C4orf51: variants seen among roughly 807,000 people sequenced by gnomAD.
C4orf51 encodes uncharacterized protein C4orf51.
C4orf51 carries 25 observed loss-of-function variants against 25.2 expected under a neutral mutation model. The observed-to-expected ratio is 0.99, with a 90% CI of 0.72 to 1.39. The LOEUF is 1.39. C4orf51 is among the 40% of genes most tolerant of loss of function. The pLI is 0.00. For synonymous variants in C4orf51, 100 were observed against 84.5 expected, an observed-to-expected ratio of 1.18 and a Z score of -1.01; for missense variants, 252 against 239.6, an observed-to-expected ratio of 1.05 and a Z score of -0.34.
intron 1 of C4orf51, among the ~76,000 whole-genome samples, chr4:145,752,401 G>A (rs182553406): frequency 2.6e-4 from 40 of 152,300 alleles, no homozygotes; most frequent in African/African-American, 9.1e-4. Flanking sequence ...TCTCTTCAAG[G>A]CAGCAATTTC....
chr4:145,752,328 G>A (rs1478554623), intron 1 of C4orf51, among the ~76,000 whole-genome samples: 3 of 152,178 alleles, frequency 2.0e-5, no homozygotes, highest in Non-Finnish European at 2.9e-5. Flanking sequence ...TATCGCTGCT[G>A]GTTATGCAGG....
At position 145,689,834 on chromosome 4, in the gene C4orf51, A is replaced by ACC. The variant is rs549608026; in HGVS notation, c.234-6722_234-6721dup. Reference sequence around the variant, plus strand: ...ACCATATGCAGAAGAAGAAAGCTGGACCCCTACCTTTCACCATATAAAAAA... The same window carrying ACC: ...ACCATATGCAGAAGAAGAAAGCTGGACCCCCCTACCTTTCACCATATAAAAAA... On this transcript the variant is annotated intron_variant, in intron 1 of 5. Transcript: ENST00000438731. Among the ~76,000 whole-genome samples the ACC allele has an allele frequency of 3.0e-3, 451 of 152,260 alleles. 1 individual carries two copies. The highest frequency in any genetic ancestry group is 4.9e-3 in the Non-Finnish European group (333 of 67,996).
intron 1 of C4orf51, among the ~76,000 whole-genome samples, chr4:145,685,626 A>G (rs1729106319): frequency 6.6e-6 from 1 of 152,308 alleles, no homozygotes; most frequent in South Asian, 2.1e-4. Context: ...TTTCTATACA[A>G]TGTCTGTAAT....
At chr4:145,722,854 A>G (rs1312609220) in intron 2 of C4orf51, among the ~76,000 whole-genome samples, 2 of 152,140 alleles carry the variant, frequency 1.3e-5, no homozygotes, top group Non-Finnish European at 2.9e-5. Context: ...CACAAACCCT[A>G]TTGTGAACTG....
intron 1 of C4orf51, among the ~76,000 whole-genome samples, chr4:145,694,321 G>C (rs1268045125): frequency 6.8e-6 from 1 of 146,810 alleles, no homozygotes; most frequent in Non-Finnish European, 1.5e-5. Context: ...CATCCCAGAC[G>C]ATGGGCAGCC....
chr4:145,730,463 C>T (rs1049143344), intron 5 of C4orf51, among the ~76,000 whole-genome samples: 1 of 152,114 alleles, frequency 6.6e-6, no homozygotes, highest in Non-Finnish European at 1.5e-5. Context: ...TTTCTCAAAC[C>T]CCAGGGCTTT....
At chr4:145,690,836 C>T (rs1729506500) in intron 1 of C4orf51, among the ~76,000 whole-genome samples, 1 of 152,134 alleles carries the variant, frequency 6.6e-6, no homozygotes, top group East Asian at 1.9e-4. Flanking sequence ...TGTGGTGGCT[C>T]ATGACTGTAA....
In C4orf51 at chr4:145,729,985, C is replaced by T; in HGVS notation, c.501+20C>T. 1 of 1,608,312 alleles carries T rather than the reference C, an allele frequency of 6.2e-7. No individual in the cohort carries two copies. Among genetic ancestry groups the T allele is most frequent in the African/African-American group, 1.3e-5 (1 of 74,908 alleles). On this transcript the variant is annotated intron_variant, in intron 5 of 5. Transcript: ENST00000438731. ...AAGCATGTAAGAATCTTTTTACTTG[C>T]CATGCAACAGTGGATCTGTGGGGTA... is the stretch of plus-strand genomic sequence containing the variant.
At chr4:145,789,413 A>G in the C4orf51 span, among the ~76,000 whole-genome samples, 4 of 152,250 alleles carry the variant, frequency 2.6e-5, no homozygotes, top group Non-Finnish European at 5.9e-5. Flanking sequence ...GAGACAGTAC[A>G]TAATTAAAAC....
chr4:145,742,450 T>G lies in C4orf51; in HGVS notation n.167+9831T>G, dbSNP rs1733148133. Among the ~76,000 whole-genome samples, 3 of 152,178 alleles carry G rather than the reference T, an allele frequency of 2.0e-5. No homozygotes were observed. The South Asian group carries it at 6.2e-4, about 32-fold the overall frequency. On this transcript the variant is annotated intron_variant and non_coding_transcript_variant, in intron 1 of 1. Transcript: ENST00000508981. ...CACTGTCTTCAAATGTCATCTTTGC[T>G]CCAACAAGTCTCATCATGAACTTTC...
chr4:145,770,004 A>T (rs963891192), intron 1 of C4orf51, among the ~76,000 whole-genome samples: 1 of 152,106 alleles, frequency 6.6e-6, no homozygotes, highest in Non-Finnish European at 1.5e-5. Flanking sequence ...AAGAATAAAG[A>T]CTCTAGATCC....
At chr4:145,756,002 T>C (rs1453667757), downstream of C4orf51, among the ~76,000 whole-genome samples, 1 of 152,232 alleles carries the variant, frequency 6.6e-6, no homozygotes, top group South Asian at 2.1e-4. Context: ...CTTCCATCTC[T>C]CACTAAGCAC....
At chr4:145,787,106 C>T in the C4orf51 span, among the ~76,000 whole-genome samples, 1 of 152,208 alleles carries the variant, frequency 6.6e-6, no homozygotes. Flanking sequence ...CCATTACACT[C>T]ACCCAAAGAT....
chr4:145,716,865 G>A (rs563049403), intron 2 of C4orf51, among the ~76,000 whole-genome samples: 4 of 152,316 alleles, frequency 2.6e-5, no homozygotes, highest in Admixed American at 2.6e-4. Flanking sequence ...GTTTGTTGAA[G>A]CAAGAGGAGA....
chr4:145,693,908 G>A (rs1578933555), intron 1 of C4orf51, among the ~76,000 whole-genome samples: 1 of 144,858 alleles, frequency 6.9e-6, no homozygotes, highest in African/African-American at 2.6e-5. Flanking sequence ...CTTCCCAGAT[G>A]GGGTGGCTGC....
chr4:145,779,464 T>G, the C4orf51 span: 5 of 1,614,130 alleles, frequency 3.1e-6, no homozygotes, highest in Non-Finnish European at 4.2e-6. Context: ...TCATTGAATT[T>G]CCAGGATGGT....
Position 145,761,477 on chromosome 4 carries a change from G to A in C4orf51, n.167-9511G>A. 7.8e-7 allele frequency: 1 copy of A among 1,289,854 alleles called. No homozygotes were observed. The highest frequency in any genetic ancestry group is 1.0e-6 in the Non-Finnish European group (1 of 988,862). The allele number at this position is 1,289,854 out of a possible 1,614,324, so 79.9% of individuals were successfully genotyped here. A position where few individuals can be genotyped will look rare whatever the true frequency, so the allele number is the denominator to read the frequency against. Reference sequence around the variant, plus strand: ...CGGTGCTCCCGGGTGTGCGTCTCCAGCTCCAGCTGGTTGGCCTTCACCGTC... The same window carrying A: ...CGGTGCTCCCGGGTGTGCGTCTCCAACTCCAGCTGGTTGGCCTTCACCGTC... On this transcript the variant is annotated intron_variant and non_coding_transcript_variant, in intron 1 of 1. Coordinates refer to the C4orf51 transcript ENST00000510096. This position sits in a 1 kb window ranked among gnomAD's most constrained non-coding sequence, Gnocchi z 6.8.
At chr4:145,782,215 C>T in the C4orf51 span, among the ~76,000 whole-genome samples, 108 of 152,318 alleles carry the variant, frequency 7.1e-4, 2 homozygotes, top group African/African-American at 2.5e-3. Context: ...ACAAGGCAAC[C>T]ACAGGCCATT....
chr4:145,721,450 C>G (rs796973955), intron 2 of C4orf51, among the ~76,000 whole-genome samples: 1 of 151,990 alleles, frequency 6.6e-6, no homozygotes. Flanking sequence ...ATGACAGCTA[C>G]GCTGTGTGAC....
Sources: allele counts gnomAD v4.1 joint callset (sites outside exome capture counted in the v4.1 genomes callset), GRCh38; gene constraint gnomAD v4.1.1; non-coding constraint Gnocchi (gnomAD v3.1); transcripts MANE v1.5; gene names NCBI Gene and HGNC (gene_info 2026-07-23, HGNC 2026-07-21).